CFAP20DC: variants seen among roughly 807,000 people sequenced by gnomAD.
The protein encoded by CFAP20DC is CFAP20 domain containing.
Under a neutral mutation model 101.7 loss-of-function variants are expected in CFAP20DC, and 84 were observed. That is an observed-to-expected ratio of 0.83 (90% CI 0.69 to 0.99). The LOEUF is 0.99. CFAP20DC is among the 50% of genes least tolerant of loss of function. The pLI is 0.00. For missense variants in CFAP20DC, 1,007 were observed against 970.3 expected (o/e 1.04, Z -0.50); for synonymous variants, 359 against 351.2 (o/e 1.02, Z -0.25).
chr3:58,773,128 G>C (rs2071004549), intron 15 of CFAP20DC, among the ~76,000 whole-genome samples: 1 of 151,654 alleles, frequency 6.6e-6, no homozygotes, highest in Non-Finnish European at 1.5e-5. Flanking sequence ...AAGTATTTTA[G>C]GTGACAAATG....
At chr3:58,774,908 A>C (rs2107524946) in intron 15 of CFAP20DC, among the ~76,000 whole-genome samples, 1 of 152,300 alleles carries the variant, frequency 6.6e-6, no homozygotes, top group Non-Finnish European at 1.5e-5. Context: ...AGCAATTCTC[A>C]ATCTTTTGAG....
At chr3:58,845,487 C>A (rs965001900) in intron 13 of CFAP20DC, among the ~76,000 whole-genome samples, 2 of 150,216 alleles carry the variant, frequency 1.3e-5, no homozygotes, top group Non-Finnish European at 3.0e-5. Context: ...TCTGAATAGA[C>A]CAATAACAGG....
At chr3:58,937,792 GA>G (rs2087919279) in intron 4 of CFAP20DC, 30 bp from the exon 5 acceptor site, 1 of 1,210,580 alleles carries the variant, frequency 8.3e-7, no homozygotes, top group African/African-American at 1.5e-5. Flanking sequence ...AAGACAGAAA[GA>G]TTCCCATCAA....
chr3:58,754,820 A>G (rs905456427), intron 15 of CFAP20DC, among the ~76,000 whole-genome samples: 5 of 152,200 alleles, frequency 3.3e-5, no homozygotes, highest in African/African-American at 1.2e-4. Flanking sequence ...CACGTCACTT[A>G]GCATTGCTAA....
At chr3:58,937,961 T>G (rs2087941794) in intron 4 of CFAP20DC, among the ~76,000 whole-genome samples, 199 bp from the exon 5 acceptor site, 1 of 152,220 alleles carries the variant, frequency 6.6e-6, no homozygotes, top group Non-Finnish European at 1.5e-5. Context: ...GAAGCCTGAA[T>G]GTATAAATTC....
At chr3:58,982,633 C>G (rs1430923488) in intron 4 of CFAP20DC, among the ~76,000 whole-genome samples, 2 of 144,562 alleles carry the variant, frequency 1.4e-5, no homozygotes, top group Non-Finnish European at 3.0e-5. Context: ...CGCATGTTCT[C>G]ACTCATAGGC....
Position 58,861,750 on chromosome 3 carries a change from G to A in CFAP20DC, c.1593+1808C>T. On this transcript the variant is annotated intron_variant, in intron 12 of 16. Coordinates refer to ENST00000482387, the MANE Select transcript of CFAP20DC (RefSeq NM_001394063.1). This position sits in a 1 kb window ranked among gnomAD's most constrained non-coding sequence, Gnocchi z 4.0. ...GTAGGCTCTGATTAAAGGGTGGTGA[G>A]TGCCAGTGTTGGCAATGGGATGGTC... The A allele has an allele frequency of 1.0e-6, 1 of 985,432 alleles. No individual in the cohort carries two copies. The highest frequency in any genetic ancestry group is 1.2e-6 in the Non-Finnish European group (1 of 829,948). The allele number at this position is 985,432 out of a possible 1,614,324, so 61.0% of individuals were successfully genotyped here. A position where few individuals can be genotyped will look rare whatever the true frequency, so the allele number is the denominator to read the frequency against.
intron 5 of CFAP20DC, among the ~76,000 whole-genome samples, chr3:58,916,773 T>C (rs753798806): frequency 3.3e-5 from 5 of 152,162 alleles, no homozygotes; most frequent in Non-Finnish European, 5.9e-5. Context: ...TAGCTGATAT[T>C]GATAAAGCTT....
chr3:58,975,877 A>G (rs953984879), intron 4 of CFAP20DC, among the ~76,000 whole-genome samples: 2 of 151,992 alleles, frequency 1.3e-5, no homozygotes, highest in African/African-American at 2.4e-5. Flanking sequence ...TGTACATACC[A>G]TTTTTTAGAT....
rs2067412829 is a variant in CFAP20DC, at chr3:58,717,463, A to G, written c.*125T>C. On this transcript the variant is annotated 3_prime_UTR_variant, in exon 4 of 4. Transcript: ENST00000486145. The surrounding 1 kb of genome is among the most constrained non-coding windows in gnomAD (Gnocchi z 4.1). ...TGGGATCTGTAGACAAAAGATGCTTATTCTTCTCATGTGAAATGTGTTCTG... is the reference window on the plus strand; with the variant it reads ...TGGGATCTGTAGACAAAAGATGCTTGTTCTTCTCATGTGAAATGTGTTCTG... 3.4e-6 allele frequency: 1 copy of G among 289,910 alleles called. No homozygotes were observed. Among genetic ancestry groups the G allele is most frequent in the Admixed American group, 4.5e-5 (1 of 22,108 alleles). The allele number at this position is 289,910 out of a possible 1,614,324, so 18.0% of individuals were successfully genotyped here.
intron 2 of CFAP20DC, among the ~76,000 whole-genome samples, chr3:59,046,523 C>T (rs1699874442): frequency 6.6e-6 from 1 of 152,092 alleles, no homozygotes; most frequent in South Asian, 2.1e-4. Context: ...AGAGCAAGGG[C>T]ATTCAAGGTG....
intron 4 of CFAP20DC, among the ~76,000 whole-genome samples, chr3:58,958,867 A>G (rs2090888168): frequency 6.6e-6 from 1 of 152,160 alleles, no homozygotes; most frequent in African/African-American, 2.4e-5. Context: ...CAAGAACTTT[A>G]TCATACATAT....
At chr3:58,918,531 C>T (rs866290560) in intron 5 of CFAP20DC, among the ~76,000 whole-genome samples, 7 of 152,292 alleles carry the variant, frequency 4.6e-5, no homozygotes, top group Middle Eastern at 3.4e-3. Flanking sequence ...TCTGAATCCA[C>T]TCATAGGGCT....
chr3:58,825,954 A>G (rs1301803285), intron 14 of CFAP20DC, among the ~76,000 whole-genome samples: 1 of 152,216 alleles, frequency 6.6e-6, no homozygotes, highest in Non-Finnish European at 1.5e-5. Flanking sequence ...AACAGTACAT[A>G]TTACTCTGAA....
At position 58,971,521 on chromosome 3, in the gene CFAP20DC, C is replaced by G. The variant is rs1345067339; in HGVS notation, c.279-33759G>C. Among the ~76,000 whole-genome samples the G allele has an allele frequency of 1.3e-5, 2 of 152,012 alleles. No individual in the cohort carries two copies. Among genetic ancestry groups the G allele is most frequent in the Non-Finnish European group, 2.9e-5 (2 of 68,006 alleles). ...ATTCCTTAGGCAATATATACATTCTCTTTTTCATTTTTACACGAAAATCTC... is the reference window on the plus strand; with the variant it reads ...ATTCCTTAGGCAATATATACATTCTGTTTTTCATTTTTACACGAAAATCTC... On this transcript the variant is annotated intron_variant, in intron 4 of 16. Transcript: ENST00000482387. The surrounding 1 kb of genome is among the most constrained non-coding windows in gnomAD (Gnocchi z 4.1).
chr3:58,816,095 G>T (rs1328548967), intron 14 of CFAP20DC, among the ~76,000 whole-genome samples: 1 of 151,790 alleles, frequency 6.6e-6, no homozygotes, highest in Non-Finnish European at 1.5e-5. Flanking sequence ...CAATAGCAAA[G>T]ACTGGGAACC....
Position 59,014,091 on chromosome 3 carries a change from A to G in CFAP20DC, c.278+25466T>C, listed in dbSNP as rs1010931877. Among the ~76,000 whole-genome samples, 16 of 152,198 alleles carry G rather than the reference A, an allele frequency of 1.1e-4. No homozygotes were observed. The highest frequency in any genetic ancestry group is 2.1e-4 in the Non-Finnish European group (14 of 68,032). ...ACAGCTAATTTAAACAGTTGTTTGC[A>G]CATTCAATATTTATAACCCAAATCT... On this transcript the variant is annotated intron_variant, in intron 4 of 16. Transcript: ENST00000482387. This position sits in a 1 kb window ranked among gnomAD's most constrained non-coding sequence, Gnocchi z 4.9.
At chr3:58,991,095 T>C (rs943775446) in intron 4 of CFAP20DC, among the ~76,000 whole-genome samples, 5 of 152,310 alleles carry the variant, frequency 3.3e-5, no homozygotes, top group African/African-American at 1.2e-4. Flanking sequence ...ATTAAAAATA[T>C]CTTTTCTAGG....
chr3:58,916,703 G>T (rs977817041), intron 5 of CFAP20DC, among the ~76,000 whole-genome samples: 1 of 152,038 alleles, frequency 6.6e-6, no homozygotes, highest in Non-Finnish European at 1.5e-5. Context: ...TTCTAAAAAA[G>T]ATGGAAATAA....
Sources: gnomAD v4.1 joint callset for allele counts (sites outside exome capture counted in the v4.1 genomes callset) on GRCh38, gnomAD v4.1.1 for gene constraint, Gnocchi (gnomAD v3.1) non-coding constraint, MANE v1.5 for transcripts, NCBI Gene and HGNC (gene_info 2026-07-23, HGNC 2026-07-21) for gene names.